The following PHACTR1 variants were observed in gnomAD, a reference collection of about 807,000 sequenced individuals.
PHACTR1 encodes RPEL repeat containing 1.
PHACTR1 carries 16 observed loss-of-function variants against 69.2 expected under a neutral mutation model. That is an observed-to-expected ratio of 0.23 (90% CI 0.16 to 0.35). The LOEUF (loss-of-function observed/expected upper bound fraction) is 0.35, where lower values mean the gene tolerates loss of function less well. Ranked by LOEUF, PHACTR1 falls within the 10% of genes least tolerant of loss-of-function variation. The pLI is 1.00. For missense variants in PHACTR1, 510 were observed against 734.7 expected, an observed-to-expected ratio of 0.69 and a Z score of 3.54; for synonymous variants, 312 against 284.5, an observed-to-expected ratio of 1.10 and a Z score of -0.97.
rs57450190 is a variant in PHACTR1, at chr6:12,996,974, T to G, written c.251-56391T>G. Among the ~76,000 whole-genome samples the G allele has an allele frequency of 1.1e-3, 168 of 152,262 alleles. 3 individuals carry two copies. In the East Asian group the frequency reaches 0.03, roughly 27 times the overall value. On this transcript the variant is annotated intron_variant, in intron 4 of 14. Coordinates refer to ENST00000332995, the MANE Select transcript of PHACTR1 (RefSeq NM_030948.6). The stretch of plus-strand genomic sequence containing the variant: ...TGAGGTCAGGAGTTTGAGACCAGCC[T>G]GACCAACATGGAGAAACCTCATCTC...
rs1781914492 is a variant in PHACTR1, at chr6:13,287,558, A to G, written c.*480A>G. ...ACACTTGGCCAAATGTACTGGCTCC[A>G]GACATGACATTTGGTTTGGGGGCCC... is the stretch of plus-strand genomic sequence containing the variant. On this transcript the variant is annotated 3_prime_UTR_variant, in exon 15 of 15. Coordinates refer to ENST00000332995, the MANE Select transcript of PHACTR1 (RefSeq NM_030948.6). 1 of 155,018 alleles carries G rather than the reference A, an allele frequency of 6.5e-6. No individual in the cohort carries two copies. The highest frequency in any genetic ancestry group is 1.4e-5 in the Non-Finnish European group (1 of 69,892). The allele number at this position is 155,018 out of a possible 1,614,324, so 9.6% of individuals were successfully genotyped here.
At chr6:12,957,778 G>A in intron 4 of PHACTR1, 1 of 985,568 alleles carries the variant, frequency 1.0e-6, no homozygotes, top group Non-Finnish European at 1.2e-6. Flanking sequence ...CCCCGACTTT[G>A]GTTGACACCC....
chr6:13,009,509 T>C (rs894024337), intron 4 of PHACTR1, among the ~76,000 whole-genome samples: 1 of 152,208 alleles, frequency 6.6e-6, no homozygotes, highest in African/African-American at 2.4e-5. Context: ...TACTGTATCT[T>C]TCTCCGTAAG....
chr6:12,779,289 C>A (rs1452197593), intron 4 of PHACTR1, among the ~76,000 whole-genome samples: 2 of 152,066 alleles, frequency 1.3e-5, no homozygotes, highest in Non-Finnish European at 2.9e-5. Flanking sequence ...GAGCTGAGAT[C>A]GCGCCATTGC....
intron 4 of PHACTR1, among the ~76,000 whole-genome samples, chr6:12,902,947 C>T (rs1437219113): frequency 6.6e-6 from 1 of 152,206 alleles, no homozygotes; most frequent in Non-Finnish European, 1.5e-5. Context: ...CGAGACCCAA[C>T]CGGCCCCTTG....
At chr6:12,846,285 C>G (rs9349352) in intron 4 of PHACTR1, among the ~76,000 whole-genome samples, 1 of 151,996 alleles carries the variant, frequency 6.6e-6, no homozygotes, top group Admixed American at 6.5e-5. Context: ...ATGGCTGATA[C>G]AGAGAATATA....
At chr6:12,982,377 T>C (rs113967365) in intron 4 of PHACTR1, among the ~76,000 whole-genome samples, 34 of 152,358 alleles carry the variant, frequency 2.2e-4, no homozygotes, top group African/African-American at 7.9e-4. Flanking sequence ...AGTTGTTTAC[T>C]CACTGTTAAA....
At chr6:12,895,647 C>T (rs1318800186) in intron 4 of PHACTR1, among the ~76,000 whole-genome samples, 4 of 152,184 alleles carry the variant, frequency 2.6e-5, no homozygotes, top group East Asian at 3.8e-4. Context: ...AAAATACAAG[C>T]TCTGCTACGG....
At chr6:13,272,733 T>C (rs754748517) in intron 10 of PHACTR1, 127 bp from the exon 11 acceptor site, 3 of 1,604,494 alleles carry the variant, frequency 1.9e-6, no homozygotes, top group Non-Finnish European at 2.6e-6. Flanking sequence ...AGTCAGTCTT[T>C]CAGAGCACAG....
intron 6 of PHACTR1, among the ~76,000 whole-genome samples, chr6:13,165,507 A>C (rs1044107966): frequency 2.6e-5 from 4 of 152,232 alleles, no homozygotes; most frequent in Non-Finnish European, 5.9e-5. Context: ...CACAATTGCA[A>C]AATCTTACCA....
At chr6:12,945,937 TG>T (rs1183366711) in intron 4 of PHACTR1, among the ~76,000 whole-genome samples, 3 of 151,054 alleles carry the variant, frequency 2.0e-5, no homozygotes, top group African/African-American at 7.3e-5. Context: ...CACTCCAGCC[TG>T]GGTAACAGAG....
At chr6:12,994,683 A>G (rs1028458734) in intron 4 of PHACTR1, among the ~76,000 whole-genome samples, 21 of 152,206 alleles carry the variant, frequency 1.4e-4, no homozygotes, top group Admixed American at 4.6e-4. Flanking sequence ...GTCTGCTACT[A>G]TAATATACAG....
At chr6:12,901,807 A>T (rs532334955) in intron 4 of PHACTR1, among the ~76,000 whole-genome samples, 10 of 152,262 alleles carry the variant, frequency 6.6e-5, no homozygotes, top group African/African-American at 2.4e-4. Context: ...AAGCGTTTTT[A>T]TATAAGCTTT....
At chr6:12,777,689 T>A (rs984538139) in intron 4 of PHACTR1, among the ~76,000 whole-genome samples, 3 of 141,278 alleles carry the variant, frequency 2.1e-5, no homozygotes, top group Admixed American at 1.6e-4. Flanking sequence ...TGGAGTACAG[T>A]GGTGTGATCT....
At chr6:13,007,535 C>G (rs1798936414) in intron 4 of PHACTR1, among the ~76,000 whole-genome samples, 1 of 152,106 alleles carries the variant, frequency 6.6e-6, no homozygotes, top group East Asian at 1.9e-4. Context: ...ATTAGCGATA[C>G]AGGCTTTAGA....
intron 4 of PHACTR1, among the ~76,000 whole-genome samples, chr6:12,775,551 A>G (rs899021502): frequency 6.6e-6 from 1 of 152,260 alleles, no homozygotes; most frequent in Non-Finnish European, 1.5e-5. Flanking sequence ...TGTGATTGCC[A>G]AGAAACAAAT....
chr6:13,008,968 G>A (rs1385850097), intron 4 of PHACTR1, among the ~76,000 whole-genome samples: 3 of 152,102 alleles, frequency 2.0e-5, no homozygotes, highest in African/African-American at 7.2e-5. Context: ...AGTTCAAGGT[G>A]GGCCAAGATC....
At chr6:12,871,865 T>C (rs1162219278) in intron 4 of PHACTR1, among the ~76,000 whole-genome samples, 1 of 151,772 alleles carries the variant, frequency 6.6e-6, no homozygotes, top group Non-Finnish European at 1.5e-5. Flanking sequence ...GATTAGCTGG[T>C]ATTGTTCTAC....
chr6:13,057,486 A>G (rs1021799173), intron 5 of PHACTR1, among the ~76,000 whole-genome samples: 2 of 152,104 alleles, frequency 1.3e-5, no homozygotes, highest in Non-Finnish European at 2.9e-5. Context: ...CATCAATACA[A>G]TGTTTACTTT....
Sources: gnomAD v4.1 joint callset for allele counts (sites outside exome capture counted in the v4.1 genomes callset) on GRCh38, gnomAD v4.1.1 for gene constraint, MANE v1.5 for transcripts, NCBI Gene and HGNC (gene_info 2026-07-23, HGNC 2026-07-21) for gene names.